Variants in GALNT17 observed in about 807,000 individuals in gnomAD.
The protein encoded by GALNT17 is polypeptide N-acetylgalactosaminyltransferase 17, also known as UDP-GalNAc:polypeptide N-acetylgalactosaminyltransferase-like 3.
A neutral mutation model predicts 63.7 loss-of-function variants in GALNT17; 29 were observed. That is an observed-to-expected ratio of 0.46 (90% confidence interval 0.34 to 0.62). The LOEUF (loss-of-function observed/expected upper bound fraction) is 0.62. Among genes scored for constraint, GALNT17 ranks in the 20% least tolerant of loss-of-function variants. GALNT17 has a pLI of 0.01. For synonymous variants in GALNT17, 305 were observed against 318.3 expected (o/e 0.96, Z 0.45); for missense variants, 603 against 799.6 (o/e 0.75, Z 2.97).
At chr7:71,391,642 C>G (rs952561702) in intron 3 of GALNT17, among the ~76,000 whole-genome samples, 1 of 151,924 alleles carries the variant, frequency 6.6e-6, no homozygotes, top group Non-Finnish European at 1.5e-5. Flanking sequence ...GCCATCATGC[C>G]TAGCTAATTT....
At position 71,132,913 on chromosome 7, in the gene GALNT17, C is replaced by G. The variant is rs1306272602; in HGVS notation, c.111C>G (p.Asp37Glu). 3.1e-6 allele frequency: 5 copies of G among 1,612,274 alleles called. No individual in the cohort carries two copies. Among genetic ancestry groups the G allele is most frequent in the Non-Finnish European group, 4.2e-6 (5 of 1,179,596 alleles). ...KCRPIAVRSG[D>E]AFHEIRPRAE... is the part of the protein sequence containing the mutation. ...GGCCCATCGCGGTGCGCAGCGGAGA[C>G]GCCTTCCACGAGATCCGGCCGCGCG... The change falls in exon 1 of 11, where the codon GAC (aspartate) becomes GAG (glutamate). Residue 37 changes from aspartate (D) to glutamate (E), a missense_variant. Asp to Glu is a conservative substitution (Grantham distance 45). This residue lies in a region of GALNT17 where 195 missense variants were observed against 215.0 expected (regional missense o/e 0.91). Transcript: ENST00000333538.
intron 1 of GALNT17, among the ~76,000 whole-genome samples, chr7:71,137,584 G>A (rs1787810259): frequency 6.6e-6 from 1 of 152,126 alleles, no homozygotes; most frequent in Non-Finnish European, 1.5e-5. Context: ...TAACCTCAAG[G>A]CTGTAAAGTC....
chr7:71,270,538 C>CAAAAAAAAAAAAAAAAAAAAAAA (rs573250852), intron 1 of GALNT17, among the ~76,000 whole-genome samples: 1 of 89,206 alleles, frequency 1.1e-5, no homozygotes, highest in Non-Finnish European at 2.1e-5. Flanking sequence ...CCCACCCCAC[C>CAAAAAAAAAAAAAAAAAAAAAAA]AAAAAAAAAA....
intron 5 of GALNT17, among the ~76,000 whole-genome samples, chr7:71,570,475 C>T (rs1352354874): frequency 6.6e-6 from 1 of 152,114 alleles, no homozygotes; most frequent in Non-Finnish European, 1.5e-5. Context: ...TGCTCATTCT[C>T]TTTTTCCTGG....
chr7:71,178,298 C>T (rs2707421), intron 1 of GALNT17, among the ~76,000 whole-genome samples: 40,100 of 152,050 alleles, frequency 0.26, 9,835 homozygotes, highest in African/African-American at 0.66. Context: ...TGTTCCCCTG[C>T]ATGTGATTTG....
intron 8 of GALNT17, among the ~76,000 whole-genome samples, chr7:71,671,952 C>CGATAG (rs980914191): frequency 2.0e-5 from 3 of 148,106 alleles, no homozygotes; most frequent in Non-Finnish European, 4.4e-5. Context: ...TGCTTGAACC[C>CGATAG]GATAGGCAGA....
chr7:71,650,684 T>C (rs1201201612), intron 6 of GALNT17, among the ~76,000 whole-genome samples: 2 of 152,180 alleles, frequency 1.3e-5, no homozygotes, highest in Non-Finnish European at 2.9e-5. Flanking sequence ...TTATCTATAA[T>C]TGTGCCCTAC....
intron 6 of GALNT17, among the ~76,000 whole-genome samples, chr7:71,604,219 A>G (rs1045336864): frequency 8.3e-6 from 1 of 120,336 alleles, no homozygotes; most frequent in Non-Finnish European, 2.0e-5. Flanking sequence ...TACTATGTTA[A>G]GTGCATACAA....
chr7:71,185,285 A>G (rs1788828137), intron 1 of GALNT17, among the ~76,000 whole-genome samples: 1 of 150,572 alleles, frequency 6.6e-6, no homozygotes, highest in South Asian at 2.1e-4. Context: ...GGCTCACTGC[A>G]GCCTTGACTT....
intron 1 of GALNT17, among the ~76,000 whole-genome samples, chr7:71,319,154 C>CTTTCTT (rs1791559679): frequency 8.1e-6 from 1 of 122,712 alleles, no homozygotes; most frequent in Admixed American, 8.0e-5. Context: ...AATTGTTTTT[C>CTTTCTT]TAGCATGATC....
At chr7:71,321,898 C>CCTTT (rs1182038843) in intron 1 of GALNT17, among the ~76,000 whole-genome samples, 4 of 96,124 alleles carry the variant, frequency 4.2e-5, no homozygotes, top group African/African-American at 1.7e-4. Context: ...TTCCTTCCTT[C>CCTTT]CTTCCTTCCT....
At chr7:71,520,649 G>A (rs1788515670) in intron 5 of GALNT17, among the ~76,000 whole-genome samples, 1 of 152,182 alleles carries the variant, frequency 6.6e-6, no homozygotes, top group Admixed American at 6.5e-5. Flanking sequence ...CATGGATGAT[G>A]GCAAAGGCAG....
chr7:71,472,174 T>A (rs557356716), intron 5 of GALNT17, among the ~76,000 whole-genome samples: 1 of 152,072 alleles, frequency 6.6e-6, no homozygotes, highest in African/African-American at 2.4e-5. Flanking sequence ...CTAGGGTCCC[T>A]TTTCTAAGGC....
chr7:71,363,351 AC>A (rs1792442153), intron 2 of GALNT17, among the ~76,000 whole-genome samples: 1 of 152,182 alleles, frequency 6.6e-6, no homozygotes, highest in Non-Finnish European at 1.5e-5. Context: ...TGCACCAGGC[AC>A]TGGAAAATAC....
chr7:71,539,834 G>A (rs1467509934), intron 5 of GALNT17, among the ~76,000 whole-genome samples: 1 of 149,854 alleles, frequency 6.7e-6, no homozygotes, highest in Admixed American at 6.7e-5. Context: ...CCAAGTAGCT[G>A]GGACTACAGT....
intron 6 of GALNT17, among the ~76,000 whole-genome samples, chr7:71,638,460 A>G (rs987280762): frequency 6.6e-6 from 1 of 152,186 alleles, no homozygotes; most frequent in African/African-American, 2.4e-5. Context: ...AGAGTGGTAG[A>G]TGAAGAAAAG....
rs1248953394 is a variant in GALNT17, at chr7:71,199,691, AT to A, written c.238+66652del. ...CTTCCACCCATCCATCCATCCATCC[AT>A]CCATCCATCCATCCATCCATGTATG... is the stretch of plus-strand genomic sequence containing the variant. On this transcript the variant is annotated intron_variant, in intron 1 of 10. Transcript: ENST00000333538. Among the ~76,000 whole-genome samples the A allele has an allele frequency of 3.8e-3, 496 of 131,042 alleles. 7 individuals are homozygous for A. The highest frequency in any genetic ancestry group is 0.013 in the African/African-American group (460 of 34,478). 86.0% of individuals were successfully genotyped at this position (131,042 alleles called of 152,430 possible).
intron 5 of GALNT17, among the ~76,000 whole-genome samples, chr7:71,495,297 G>C (rs1011130272): frequency 6.6e-6 from 1 of 151,914 alleles, no homozygotes; most frequent in African/African-American, 2.4e-5. Context: ...AAAAGAAAAG[G>C]TGAGGTTTGG....
chr7:71,572,863 C>T (rs2116881369), intron 6 of GALNT17, among the ~76,000 whole-genome samples: 1 of 152,208 alleles, frequency 6.6e-6, no homozygotes. Flanking sequence ...GTGTGGCTGT[C>T]CCCAATCCCT....
Sources: allele counts gnomAD v4.1 joint callset (sites outside exome capture counted in the v4.1 genomes callset), GRCh38; gene constraint gnomAD v4.1.1; regional missense constraint gnomAD v4.1.1; transcripts MANE v1.5; gene names NCBI Gene and HGNC (gene_info 2026-07-23, HGNC 2026-07-21).